ZNF516: variants seen among roughly 807,000 people sequenced by gnomAD.
ZNF516 encodes the protein zinc finger protein 516.
Under a neutral mutation model 79.7 loss-of-function variants are expected in ZNF516, and 19 were observed. That is an observed-to-expected ratio of 0.24 (90% CI 0.17 to 0.35). The LOEUF (loss-of-function observed/expected upper bound fraction) is 0.35. ZNF516 is among the 10% of genes least tolerant of loss of function. The pLI is 1.00. For synonymous variants in ZNF516, 877 were observed against 739.5 expected, an observed-to-expected ratio of 1.19 and a Z score of -3.02; for missense variants, 1,678 against 1,679.5, an observed-to-expected ratio of 1.00 and a Z score of 0.02.
In ZNF516 at chr18:76,379,920, G is replaced by A; in HGVS notation, c.2194C>T (p.Pro732Ser). 1 of 1,613,984 alleles carries A rather than the reference G, an allele frequency of 6.2e-7. No individual in the cohort carries two copies. Among genetic ancestry groups the A allele is most frequent in the Non-Finnish European group, 8.5e-7 (1 of 1,179,902 alleles). ...GTCGACCTCGCACTTAAATCTAGCG[G>A]CATGAGGTCTGGGGCCAGCGCCCGC... ...GKRALAPDLMPLDLSARSTRD... is the reference protein window; with the variant it reads ...GKRALAPDLMSLDLSARSTRD... Residue 732 changes from proline (P) to serine (S), a missense_variant, in exon 4 of 7, where the codon CCG becomes TCG. Pro to Ser is a moderately conservative substitution (Grantham distance 74). Around this residue, in one of 5 missense-constraint regions of ZNF516, gnomAD observed 1,294 missense variants for 1,248.3 expected, o/e 1.04. Transcript: ENST00000443185.
At chr18:76,443,311 A>G (rs1911841138) in intron 2 of ZNF516, 100 bp from the exon 3 acceptor site, 1 of 469,324 alleles carries the variant, frequency 2.1e-6, no homozygotes, top group Non-Finnish European at 3.7e-6. Context: ...TACCCATCCA[A>G]CCCACATTAA....
chr18:76,429,985 C>A (rs2145445144), intron 3 of ZNF516, among the ~76,000 whole-genome samples: 1 of 152,322 alleles, frequency 6.6e-6, no homozygotes, highest in African/African-American at 2.4e-5. Context: ...GTGTGACGCA[C>A]AACCTGTCCA....
chr18:76,483,523 C>T (rs115552341), intron 1 of ZNF516, among the ~76,000 whole-genome samples: 86 of 152,272 alleles, frequency 5.6e-4, no homozygotes, highest in African/African-American at 2.0e-3. Context: ...TCATCTGCCG[C>T]ACCACACTGA....
At chr18:76,375,344 G>A (rs1398848472) in intron 4 of ZNF516, among the ~76,000 whole-genome samples, 2 of 151,944 alleles carry the variant, frequency 1.3e-5, no homozygotes, top group Non-Finnish European at 2.9e-5. Flanking sequence ...ACAGGTAGAA[G>A]GATGGACACA....
chr18:76,414,504 T>C (rs1367287343), intron 3 of ZNF516, among the ~76,000 whole-genome samples: 3 of 152,262 alleles, frequency 2.0e-5, no homozygotes, highest in Non-Finnish European at 4.4e-5. Context: ...TTCGTGTCTC[T>C]GGTGATTTTC....
At position 76,467,678 on chromosome 18, in the gene ZNF516, C is replaced by T. The variant is rs1913571700; in HGVS notation, c.-271-4537G>A. On this transcript the variant is annotated intron_variant, in intron 1 of 6. Transcript: ENST00000443185. The surrounding 1 kb of genome is among the most constrained non-coding windows in gnomAD (Gnocchi z 4.2). ...ACAGCCCCAGCCCACTCAAAGGCTA[C>T]ACCTCAAAAACATGTTGCAATCTAC... Among the ~76,000 whole-genome samples, 1 of 152,364 alleles carries T rather than the reference C, an allele frequency of 6.6e-6. No homozygotes were observed. Among genetic ancestry groups the T allele is most frequent in the African/African-American group, 2.4e-5 (1 of 41,590 alleles).
chr18:76,406,590 A>C (rs1034184298), intron 3 of ZNF516, among the ~76,000 whole-genome samples: 1 of 152,130 alleles, frequency 6.6e-6, no homozygotes, highest in Non-Finnish European at 1.5e-5. Context: ...AAAACAAACA[A>C]GAAACCATAA....
chr18:76,410,743 A>G (rs149859671), intron 3 of ZNF516, among the ~76,000 whole-genome samples: 326 of 152,226 alleles, frequency 2.1e-3, no homozygotes, highest in African/African-American at 7.5e-3. Context: ...GAAAAAGAGA[A>G]ATTTTACCAC....
chr18:76,469,645 T>C (rs78466705), intron 1 of ZNF516, among the ~76,000 whole-genome samples: 3,100 of 152,274 alleles, frequency 0.02, 90 homozygotes, highest in African/African-American at 0.067. Flanking sequence ...AAATATAATT[T>C]AATGTTGGGA....
intron 3 of ZNF516, among the ~76,000 whole-genome samples, chr18:76,431,758 GCTT>G (rs1436654970): frequency 6.6e-6 from 1 of 152,140 alleles, no homozygotes; most frequent in Admixed American, 6.5e-5. Context: ...ATGATCCTAA[GCTT>G]CTTAAGGCTT....
At chr18:76,488,129 C>A (rs1294651533) in intron 1 of ZNF516, 3 of 985,126 alleles carry the variant, frequency 3.0e-6, no homozygotes, top group Non-Finnish European at 2.4e-6. Context: ...TTCCAACCAT[C>A]ACCCACTCAG....
chr18:76,380,739 G>A (rs2074877958), intron 3 of ZNF516, among the ~76,000 whole-genome samples: 1 of 152,190 alleles, frequency 6.6e-6, no homozygotes, highest in African/African-American at 2.4e-5. Flanking sequence ...GAAAACCAGA[G>A]AAGTTGGGTG....
At position 76,493,332 on chromosome 18, in the gene ZNF516, G is replaced by GGGGGGGGC. The variant is rs1232337098; in HGVS notation, c.-272+1811_-272+1812insGCCCCCCC. 3.8e-3 allele frequency: 12 copies of GGGGGGGGC among 3,178 alleles called. No individual in the cohort carries two copies. The African/African-American group carries it at 0.038, about 10-fold the overall frequency. 0.2% of individuals were successfully genotyped at this position (3,178 alleles called of 1,614,324 possible). ...AGGAGGGGTCATTCCGCGGGGGGCG[G>GGGGGGGGC]GGGGGGGGGCGGGGGCCGACGCAGG... On this transcript the variant is annotated intron_variant, in intron 1 of 6. Coordinates refer to ENST00000443185, the MANE Select transcript of ZNF516 (RefSeq NM_014643.4). The surrounding 1 kb of genome is among the most constrained non-coding windows in gnomAD (Gnocchi z 5.2).
Position 76,434,673 on chromosome 18 carries a change from T to G in ZNF516, c.1810+6572A>C, listed in dbSNP as rs1041845512. 2.0e-5 allele frequency among the ~76,000 whole-genome samples: 3 copies of G among 152,208 alleles called. No homozygotes were observed. In the East Asian group the frequency reaches 5.8e-4, roughly 29 times the overall value. On this transcript the variant is annotated intron_variant, in intron 3 of 6. Coordinates refer to ENST00000443185, the MANE Select transcript of ZNF516 (RefSeq NM_014643.4). ...CATGGGCACAAGTGCAGATGCAGAA[T>G]CTGAGCCGTCCTGGGACTACGCATT...
At chr18:76,412,069 G>A (rs578118622) in intron 3 of ZNF516, among the ~76,000 whole-genome samples, 11 of 152,200 alleles carry the variant, frequency 7.2e-5, no homozygotes, top group African/African-American at 2.2e-4. Context: ...TAATGACCTC[G>A]GCAAAATGCA....
intron 3 of ZNF516, among the ~76,000 whole-genome samples, chr18:76,398,540 T>G (rs1339369662): frequency 6.6e-6 from 1 of 152,076 alleles, no homozygotes; most frequent in Non-Finnish European, 1.5e-5. Context: ...TGGTAGATGT[T>G]AGAATGAAAA....
chr18:76,369,596 TAG>T (rs1276403424), intron 6 of ZNF516, among the ~76,000 whole-genome samples: 2 of 152,132 alleles, frequency 1.3e-5, no homozygotes, highest in Non-Finnish European at 2.9e-5. Flanking sequence ...CACTAGATCA[TAG>T]AGTCTTGAGA....
intron 3 of ZNF516, chr18:76,387,501 G>T (rs967728479): frequency 6.6e-6 from 1 of 151,974 alleles, no homozygotes; most frequent in South Asian, 2.1e-4. Context: ...AATACAAATT[G>T]TTTTAATATA....
chr18:76,406,242 G>A (rs1213343171), intron 3 of ZNF516, among the ~76,000 whole-genome samples: 1 of 152,090 alleles, frequency 6.6e-6, no homozygotes, highest in East Asian at 1.9e-4. Flanking sequence ...CTGAAGCCTC[G>A]TCCATCTACT....
Sources: allele counts gnomAD v4.1 joint callset (sites outside exome capture counted in the v4.1 genomes callset), GRCh38; gene constraint gnomAD v4.1.1; regional missense constraint gnomAD v4.1.1; non-coding constraint Gnocchi (gnomAD v3.1); transcripts MANE v1.5; gene names NCBI Gene and HGNC (gene_info 2026-07-23, HGNC 2026-07-21).